The following ABCC5 variants were observed in gnomAD, a reference collection of about 807,000 sequenced individuals.
ABCC5 encodes ATP-binding cassette sub-family C member 5.
Under a neutral mutation model 160.9 loss-of-function variants are expected in ABCC5, and 61 were observed. That is an observed-to-expected ratio of 0.38 (90% CI 0.31 to 0.47). The LOEUF is 0.47. Ranked by LOEUF, ABCC5 falls within the 20% of genes least tolerant of loss-of-function variation. The probability of loss-of-function intolerance (pLI) is 0.99; values close to 1 mark genes in which losing one functional copy is unlikely to be tolerated. For synonymous variants in ABCC5, 666 were observed against 700.6 expected, an observed-to-expected ratio of 0.95 and a Z score of 0.78; for missense variants, 1,308 against 1,813.3, an observed-to-expected ratio of 0.72 and a Z score of 5.06.
chr3:183,922,018 G>A (rs116549348), intron 29 of ABCC5, among the ~76,000 whole-genome samples: 3,550 of 151,488 alleles, frequency 0.023, 149 homozygotes, highest in African/African-American at 0.08. Context: ...GCGACACAAC[G>A]AGACTCTGCC....
chr3:183,950,609 T>C (rs1238704964), intron 20 of ABCC5, among the ~76,000 whole-genome samples: 1 of 152,250 alleles, frequency 6.6e-6, no homozygotes, highest in African/African-American at 2.4e-5. Context: ...TTTTTTCTTC[T>C]GGTTAAAGTA....
intron 28 of ABCC5, 72 bp downstream of exon 28, chr3:183,927,258 C>T (rs1712676015): frequency 1.4e-6 from 2 of 1,465,174 alleles, no homozygotes; most frequent in South Asian, 2.4e-5. Context: ...ACCTTTGGAC[C>T]CCAGTGTGTC....
intron 29 of ABCC5, among the ~76,000 whole-genome samples, chr3:183,922,789 TG>T (rs1282090563): frequency 6.7e-6 from 1 of 149,374 alleles, no homozygotes; most frequent in Non-Finnish European, 1.5e-5. Flanking sequence ...GAGGGTGTCC[TG>T]CTCAGTGGAC....
chr3:183,980,709 GTTTT>G (rs1718640987), intron 8 of ABCC5, among the ~76,000 whole-genome samples: 1 of 127,532 alleles, frequency 7.8e-6, no homozygotes, highest in Non-Finnish European at 1.6e-5. Context: ...TCTGAACACT[GTTTT>G]GTTTTTTTTT....
At chr3:183,959,107 C>T (rs2108813873) in intron 17 of ABCC5, among the ~76,000 whole-genome samples, 1 of 151,606 alleles carries the variant, frequency 6.6e-6, no homozygotes, top group African/African-American at 2.4e-5. Flanking sequence ...TTTAAATTGA[C>T]ATGCAACTTA....
chr3:183,953,360 C>T lies in ABCC5; in HGVS notation c.2483-90G>A, dbSNP rs534547055. The T allele has an allele frequency of 9.9e-5, 120 of 1,209,080 alleles. No homozygotes were observed. In the East Asian group the frequency reaches 2.3e-3, roughly 23 times the overall value. The allele number at this position is 1,209,080 out of a possible 1,614,324, so 74.9% of individuals were successfully genotyped here. A position where few individuals can be genotyped will look rare whatever the true frequency, so the allele number is the denominator to read the frequency against. On this transcript the variant is annotated intron_variant, in intron 17 of 29. Transcript: ENST00000334444. ...CTGCAGAGCAACAGAATCGGACAAC[C>T]GGCAGCTTCACAGGGGTCTAGATTA...
intron 2 of ABCC5, among the ~76,000 whole-genome samples, chr3:184,009,179 G>T (rs111851076): frequency 2.5e-4 from 38 of 152,064 alleles, no homozygotes; most frequent in Non-Finnish European, 5.1e-4. Context: ...CCTGCTTCTC[G>T]GTTAATTCCA....
At chr3:184,010,511 C>G (rs1468738017) in intron 2 of ABCC5, 1 of 152,282 alleles carries the variant, frequency 6.6e-6, no homozygotes, top group Admixed American at 6.6e-5. Flanking sequence ...AGGAAAAGCT[C>G]GCTGCTGCCA....
intron 5 of ABCC5, chr3:183,984,224 A>T: frequency 4.1e-6 from 4 of 985,652 alleles, no homozygotes; most frequent in Non-Finnish European, 4.8e-6. Context: ...GGCCTCAAGG[A>T]AAAACTGGTG....
intron 2 of ABCC5, among the ~76,000 whole-genome samples, chr3:184,011,647 A>G (rs766949445): frequency 2.0e-5 from 3 of 152,226 alleles, no homozygotes; most frequent in Non-Finnish European, 4.4e-5. Context: ...GAAATGACCC[A>G]TATGTCCTTT....
In ABCC5 at chr3:183,945,842, A is replaced by T; in HGVS notation, c.3504+8T>A. 1 of 1,612,542 alleles carries T rather than the reference A, an allele frequency of 6.2e-7. No homozygotes were observed. Among genetic ancestry groups the T allele is most frequent in the Non-Finnish European group, 8.5e-7 (1 of 1,178,548 alleles). The stretch of plus-strand genomic sequence containing the variant: ...CAGATCACGGTAAAAGGCCTACAGC[A>T]GTCTGACCTTAATGTAGTGATTGAT... On this transcript the variant is annotated splice_region_variant and intron_variant, in intron 24 of 29. Transcript: ENST00000334444.
At position 183,957,543 on chromosome 3, in the gene ABCC5, C is replaced by A. The variant is rs573418127; in HGVS notation, c.2482+2190G>T. ...ATGCTTATCTGTGTGTACATCACAT[C>A]AGTTACATGCGGATCCGTGTGTACA... On this transcript the variant is annotated intron_variant, in intron 17 of 29. Transcript: ENST00000334444. Among the ~76,000 whole-genome samples the A allele has an allele frequency of 1.4e-3, 211 of 151,288 alleles. 1 individual carries two copies. The highest frequency in any genetic ancestry group is 3.5e-3 in the Middle Eastern group (1 of 286).
chr3:183,940,987 T>C (rs904903078), intron 25 of ABCC5, among the ~76,000 whole-genome samples: 5 of 152,036 alleles, frequency 3.3e-5, no homozygotes, highest in African/African-American at 9.7e-5. Flanking sequence ...GCCTCCCGAG[T>C]AGCTGGAATT....
Position 183,988,700 on chromosome 3 carries a change from C to T in ABCC5, c.315G>A (p.Gly105=), listed in dbSNP as rs755664522. ...SKHQHPVDNA[G]LFSCMTFSWL... ...ACGAAAAAGTCATACAGGAAAAAAG[C>T]CCAGCATTGTCCACTGGGTGCTGGT... Residue 105 remains glycine, a synonymous_variant, in exon 4 of 30, where the codon GGG becomes GGA. Coordinates refer to ENST00000334444, the MANE Select transcript of ABCC5 (RefSeq NM_005688.4). This position sits in a 1 kb window ranked among gnomAD's most constrained non-coding sequence, Gnocchi z 4.4. The T allele has an allele frequency of 6.2e-7, 1 of 1,614,160 alleles. No individual in the cohort carries two copies. Among genetic ancestry groups the T allele is most frequent in the Non-Finnish European group, 8.5e-7 (1 of 1,180,026 alleles).
chr3:183,993,789 T>C (rs1719993642), intron 2 of ABCC5, among the ~76,000 whole-genome samples: 1 of 152,170 alleles, frequency 6.6e-6, no homozygotes, highest in African/African-American at 2.4e-5. Flanking sequence ...TTCAGAGGCA[T>C]TAATTATATT....
intron 2 of ABCC5, among the ~76,000 whole-genome samples, chr3:183,994,455 A>G (rs1024663861): frequency 3.3e-5 from 5 of 151,814 alleles, no homozygotes; most frequent in Non-Finnish European, 7.4e-5. Context: ...GGGTCACTGC[A>G]ACCTCCGCCT....
chr3:183,985,958 C>T (rs1240055842), intron 5 of ABCC5: 3 of 160,482 alleles, frequency 1.9e-5, no homozygotes, highest in Admixed American at 1.8e-4. Context: ...AATAAAAATG[C>T]CATTTTATTT....
chr3:183,925,493 C>A, intron 29 of ABCC5, 62 bp downstream of exon 29: 1 of 1,580,406 alleles, frequency 6.3e-7, no homozygotes. Flanking sequence ...ATCAGTCCAT[C>A]CCTGCCAGGG....
At position 184,014,464 on chromosome 3, in the gene ABCC5, A is replaced by G. The variant is rs1311887175; in HGVS notation, c.-55-17T>C. On this transcript the variant is annotated splice_polypyrimidine_tract_variant and intron_variant, in intron 1 of 29. Transcript: ENST00000334444. ...TCAGAATTCCTGAAATTAAAAATTC[A>G]TCAAGAAATAGATTATTTCCTAAAC... The G allele has an allele frequency of 1.3e-6, 2 of 1,512,548 alleles. No homozygotes were observed. Among genetic ancestry groups the G allele is most frequent in the Middle Eastern group, 2.1e-4 (1 of 4,716 alleles). The allele number at this position is 1,512,548 out of a possible 1,614,324, so 93.7% of individuals were successfully genotyped here.
Sources: gnomAD v4.1 joint callset for allele counts (sites outside exome capture counted in the v4.1 genomes callset) on GRCh38, gnomAD v4.1.1 for gene constraint, Gnocchi (gnomAD v3.1) non-coding constraint, MANE v1.5 for transcripts, NCBI Gene and HGNC (gene_info 2026-07-23, HGNC 2026-07-21) for gene names.